PPP2R2A: variants seen among roughly 807,000 people sequenced by gnomAD.
PPP2R2A encodes serine/threonine-protein phosphatase 2A 55 kDa regulatory subunit B alpha isoform.
In PPP2R2A, 9 loss-of-function variants were observed where a neutral mutation model predicts 53.2. That is an observed-to-expected ratio of 0.17 (90% confidence interval 0.10 to 0.30). PPP2R2A has a LOEUF of 0.30. PPP2R2A is among the 10% of genes least tolerant of loss of function. The pLI, the probability that PPP2R2A is intolerant of heterozygous loss-of-function variation, is 1.00. For missense variants in PPP2R2A, 235 were observed against 534.6 expected (o/e 0.44, Z 5.53); for synonymous variants, 169 against 174.2 (o/e 0.97, Z 0.23).
intron 2 of PPP2R2A, chr8:26,333,616 G>C (rs940328367): frequency 7.7e-6 from 7 of 914,750 alleles, no homozygotes; most frequent in Non-Finnish European, 9.7e-6. Context: ...TCTTTTAATG[G>C]ATAGTAATTA....
rs1802853585 is a variant in PPP2R2A, at chr8:26,321,769, A to C, written c.83-17121A>C. 6.6e-6 allele frequency among the ~76,000 whole-genome samples: 1 copy of C among 151,954 alleles called. No homozygotes were observed. Among genetic ancestry groups the C allele is most frequent in the South Asian group, 2.1e-4 (1 of 4,810 alleles). On this transcript the variant is annotated intron_variant, in intron 2 of 9. Coordinates refer to ENST00000380737, the MANE Select transcript of PPP2R2A (RefSeq NM_002717.4). The surrounding 1 kb of genome is among the most constrained non-coding windows in gnomAD (Gnocchi z 4.1). The stretch of plus-strand genomic sequence containing the variant: ...CCTTGAACGCAAGGCCCCCTGGCTA[A>C]GTCACACCTAGATTCCTGACCTGTT...
intron 3 of PPP2R2A, among the ~76,000 whole-genome samples, chr8:26,342,722 G>C (rs978306797): frequency 1.3e-5 from 2 of 152,050 alleles, no homozygotes; most frequent in Non-Finnish European, 2.9e-5. Flanking sequence ...AACTTTCTTG[G>C]ATTTCATACC....
At chr8:26,346,398 C>T (rs1381369847) in intron 3 of PPP2R2A, among the ~76,000 whole-genome samples, 3 of 152,122 alleles carry the variant, frequency 2.0e-5, no homozygotes, top group African/African-American at 7.2e-5. Context: ...ACTTAGGCCT[C>T]CCAAAGTGCT....
intron 2 of PPP2R2A, among the ~76,000 whole-genome samples, chr8:26,317,702 G>GTA (rs1269544119): frequency 1.3e-5 from 2 of 152,224 alleles, no homozygotes; most frequent in Non-Finnish European, 2.9e-5. Context: ...ACACAAGCTA[G>GTA]TATATGTATT....
chr8:26,329,271 A>G (rs1803246582), intron 2 of PPP2R2A, among the ~76,000 whole-genome samples: 2 of 152,094 alleles, frequency 1.3e-5, no homozygotes, highest in South Asian at 4.1e-4. Flanking sequence ...TAGAAGAAAT[A>G]TATACTTTTA....
Position 26,291,579 on chromosome 8 carries a change from A to AGTCGCC in PPP2R2A, c.-239_-234dup. The AGTCGCC allele has an allele frequency of 1.8e-6, 1 of 544,150 alleles. No individual in the cohort carries two copies. The highest frequency in any genetic ancestry group is 2.2e-5 in the South Asian group (1 of 45,816). The allele number at this position is 544,150 out of a possible 1,614,324, so 33.7% of individuals were successfully genotyped here. On this transcript the variant is annotated 5_prime_UTR_variant, in exon 1 of 10. Coordinates refer to ENST00000380737, the MANE Select transcript of PPP2R2A (RefSeq NM_002717.4). The stretch of plus-strand genomic sequence containing the variant: ...CTGCCGCCGCCGCCGTCGCTGTCGT[A>AGTCGCC]GTCGCCGCCGCCGCTGCCGGAGAAA...
At chr8:26,355,538 C>A (rs1370548501) in intron 4 of PPP2R2A, among the ~76,000 whole-genome samples, 1 of 152,180 alleles carries the variant, frequency 6.6e-6, no homozygotes. Flanking sequence ...GCCACTATGC[C>A]TGGCCCAGGA....
chr8:26,357,021 G>A (rs1159693511), intron 4 of PPP2R2A, among the ~76,000 whole-genome samples: 2 of 152,096 alleles, frequency 1.3e-5, no homozygotes, highest in Non-Finnish European at 2.9e-5. Context: ...CTAACTGGGG[G>A]CTGCATTTTT....
At chr8:26,302,067 G>A (rs1255567789) in intron 2 of PPP2R2A, among the ~76,000 whole-genome samples, 1 of 152,238 alleles carries the variant, frequency 6.6e-6, no homozygotes, top group Non-Finnish European at 1.5e-5. Context: ...CTGCAAGGGG[G>A]TAAAGTGGTT....
chr8:26,316,719 G>A (rs965109532), intron 2 of PPP2R2A, among the ~76,000 whole-genome samples: 3 of 152,154 alleles, frequency 2.0e-5, no homozygotes, highest in Non-Finnish European at 4.4e-5. Flanking sequence ...CTACTTTCTG[G>A]TTCAGAGACA....
chr8:26,343,837 A>G (rs1029282959), intron 3 of PPP2R2A, among the ~76,000 whole-genome samples: 2 of 152,162 alleles, frequency 1.3e-5, no homozygotes, highest in South Asian at 2.1e-4. Flanking sequence ...TGCTAATACT[A>G]TATGCAGTTT....
chr8:26,308,778 T>C (rs1418611310), intron 2 of PPP2R2A, among the ~76,000 whole-genome samples: 1 of 152,224 alleles, frequency 6.6e-6, no homozygotes, highest in Non-Finnish European at 1.5e-5. Flanking sequence ...GAATGTTGAA[T>C]TCTTTCCAGG....
chr8:26,313,371 G>A lies in PPP2R2A; in HGVS notation c.82+19631G>A, dbSNP rs7826737. ...TTCTAAACTACATGCTCATACAGCT[G>A]TTTTTAAAAGCAATCCACAGATGGA... On this transcript the variant is annotated intron_variant, in intron 2 of 9. Coordinates refer to ENST00000380737, the MANE Select transcript of PPP2R2A (RefSeq NM_002717.4). Among the ~76,000 whole-genome samples, 1,417 of 152,168 alleles carry A rather than the reference G, an allele frequency of 9.3e-3. 18 individuals are homozygous for A. The highest frequency in any genetic ancestry group is 0.032 in the African/African-American group (1,329 of 41,496).
intron 2 of PPP2R2A, among the ~76,000 whole-genome samples, chr8:26,307,239 A>G (rs1005809536): frequency 1.3e-5 from 2 of 152,240 alleles, no homozygotes; most frequent in African/African-American, 4.8e-5. Context: ...AAAGCTAAGT[A>G]AAATCTATAA....
At chr8:26,306,184 T>A (rs1414520604) in intron 2 of PPP2R2A, among the ~76,000 whole-genome samples, 5 of 134,210 alleles carry the variant, frequency 3.7e-5, no homozygotes, top group Admixed American at 7.4e-5. Flanking sequence ...AAAAAAAAAA[T>A]GAGTTTCTAG....
chr8:26,299,637 A>T (rs777851904), intron 2 of PPP2R2A, among the ~76,000 whole-genome samples: 8 of 152,164 alleles, frequency 5.3e-5, no homozygotes, highest in Non-Finnish European at 7.3e-5. Context: ...ATGATATCTC[A>T]CACAATTTAA....
chr8:26,304,468 A>G (rs541022550), intron 2 of PPP2R2A, among the ~76,000 whole-genome samples: 9 of 152,362 alleles, frequency 5.9e-5, no homozygotes, highest in East Asian at 1.9e-4. Flanking sequence ...AAAATTTTCT[A>G]AAGATCCAGA....
chr8:26,369,318 C>G (rs1230712839), intron 9 of PPP2R2A, among the ~76,000 whole-genome samples: 1 of 151,928 alleles, frequency 6.6e-6, no homozygotes. Context: ...CCTCCGCCTC[C>G]CGGGTTCAAG....
At chr8:26,307,404 A>G (rs1192167297) in intron 2 of PPP2R2A, among the ~76,000 whole-genome samples, 1 of 152,190 alleles carries the variant, frequency 6.6e-6, no homozygotes, top group Admixed American at 6.5e-5. Flanking sequence ...TTATTTAATT[A>G]AGACTGTACT....
Sources: allele counts gnomAD v4.1 joint callset (sites outside exome capture counted in the v4.1 genomes callset), GRCh38; gene constraint gnomAD v4.1.1; non-coding constraint Gnocchi (gnomAD v3.1); transcripts MANE v1.5; gene names NCBI Gene and HGNC (gene_info 2026-07-23, HGNC 2026-07-21).